OSMR: variants seen among roughly 807,000 people sequenced by gnomAD.
The protein encoded by OSMR is oncostatin M receptor.
A neutral mutation model predicts 99.9 loss-of-function variants in OSMR; 81 were observed. The observed-to-expected ratio is 0.81, with a 90% CI of 0.68 to 0.97. OSMR has a LOEUF of 0.97. Among genes scored for constraint, OSMR ranks in the 50% least tolerant of loss-of-function variants. OSMR has a pLI of 0.00. For missense variants in OSMR, 1,099 were observed against 1,153.4 expected (o/e 0.95, Z 0.68); for synonymous variants, 406 against 410.4 (o/e 0.99, Z 0.13).
At chr5:38,884,977 A>G (rs1028124557) in intron 5 of OSMR, among the ~76,000 whole-genome samples, 4 of 152,180 alleles carry the variant, frequency 2.6e-5, no homozygotes, top group Non-Finnish European at 5.9e-5. Flanking sequence ...TGAATTTAGC[A>G]GGTGTACAAA....
rs776664698 is a variant in OSMR at position 38,924,446 on chromosome 5, T to C, written c.1895T>C (p.Leu632Pro). 5.0e-6 allele frequency: 8 copies of C among 1,614,104 alleles called. No homozygotes were observed. The South Asian group carries it at 8.8e-5, about 18-fold the overall frequency. The change falls in exon 14 of 18, where the codon CTG becomes CCG. Residue 632 changes from leucine (L) to proline (P), a missense_variant. Leu to Pro is a moderately conservative substitution (Grantham distance 98, BLOSUM62 -3). Transcript: ENST00000274276. ...ELAPSDNPHV[L>P]VDTLTSHSFT... is the part of the protein sequence containing the mutation. ...GCTCCTTCAGACAACCCTCACGTGC[T>C]GGTGGATACATTGACATCCCACTCC...
chr5:38,862,054 A>G (rs1293048987), intron 1 of OSMR, among the ~76,000 whole-genome samples: 33 of 99,424 alleles, frequency 3.3e-4, no homozygotes, highest in Non-Finnish European at 5.9e-4. Flanking sequence ...GGCCGGGCAG[A>G]GGCGCCCCTC....
downstream of OSMR, chr5:38,938,055 T>G (rs1430574880): frequency 4.9e-6 from 1 of 204,116 alleles, no homozygotes; most frequent in African/African-American, 2.3e-5. Context: ...AAAATCAAGG[T>G]GAGCAAAACC....
In OSMR at chr5:38,932,466, C is replaced by A; in HGVS notation, c.2298C>A (p.Ile766=). The change falls in exon 17 of 18, where the codon ATC becomes ATA. Residue 766 remains isoleucine, a synonymous_variant. Coordinates refer to ENST00000274276, the MANE Select transcript of OSMR (RefSeq NM_003999.3). The part of the protein sequence containing the change: ...MVMCYLKSQW[I]KETCYPDIPD... ...TCATTTTCGCTTTTTTTTCTAGGAT[C>A]AAGGAGACCTGTTATCCTGACATCC... The A allele has an allele frequency of 1.9e-6, 3 of 1,612,174 alleles. No individual in the cohort carries two copies. Among genetic ancestry groups the A allele is most frequent in the Non-Finnish European group, 2.5e-6 (3 of 1,178,356 alleles).
intron 1 of OSMR, among the ~76,000 whole-genome samples, chr5:38,863,865 G>A (rs1397961882): frequency 6.6e-6 from 1 of 152,040 alleles, no homozygotes; most frequent in African/African-American, 2.4e-5. Context: ...ACATATATTT[G>A]GTATTTTTTA....
In OSMR at chr5:38,944,175, G is replaced by A. The variant is rs147798477; in HGVS notation, c.75-26G>A. ...TTCCAAAAGTAAAAAAGTGAGAAGA[G>A]TGGCATTATTTTACATTTTTTGCAG... On this transcript the variant is annotated intron_variant and NMD_transcript_variant, in intron 1 of 2. Transcript: ENST00000508882. 150 of 525,180 alleles carry A rather than the reference G, an allele frequency of 2.9e-4. No homozygotes were observed. In the Middle Eastern group the frequency reaches 4.5e-3, roughly 16 times the overall value. The allele number at this position is 525,180 out of a possible 1,614,324, so 32.5% of individuals were successfully genotyped here. A position where few individuals can be genotyped will look rare whatever the true frequency, so the allele number is the denominator to read the frequency against.
intron 1 of OSMR, among the ~76,000 whole-genome samples, chr5:38,849,711 C>T (rs993858503): frequency 6.6e-6 from 1 of 152,098 alleles, no homozygotes; most frequent in African/African-American, 2.4e-5. Context: ...GAGCTCCAAG[C>T]TTTAAGGAAA....
rs931328547 is a variant in OSMR at position 38,917,707 on chromosome 5, G to C, written c.1362+85G>C. On this transcript the variant is annotated intron_variant, in intron 10 of 17. Coordinates refer to ENST00000274276, the MANE Select transcript of OSMR (RefSeq NM_003999.3). ...ATGTGTCTTCCTCTGGAGAACTGTG[G>C]ATTGGTTCAGTGTCCCAACTGGGAG... The C allele has an allele frequency of 6.2e-6, 7 of 1,121,020 alleles. No individual in the cohort carries two copies. The African/African-American group carries it at 1.1e-4, about 17-fold the overall frequency. The allele number at this position is 1,121,020 out of a possible 1,614,324, so 69.4% of individuals were successfully genotyped here.
chr5:38,849,133 A>T (rs986651159), intron 1 of OSMR, among the ~76,000 whole-genome samples: 9 of 152,170 alleles, frequency 5.9e-5, no homozygotes, highest in Non-Finnish European at 1.3e-4. Context: ...CCTTTCCTAT[A>T]TTGATGGACA....
Position 38,885,496 on chromosome 5 carries a change from C to T in OSMR, c.839+12C>T. On this transcript the variant is annotated intron_variant, in intron 6 of 17. Coordinates refer to ENST00000274276, the MANE Select transcript of OSMR (RefSeq NM_003999.3). Reference sequence around the variant, plus strand: ...ACTTTATTTGAATCGTAAGTTGGCTCTGGTTACATTATTGACAACTTCTTC... The same window carrying T: ...ACTTTATTTGAATCGTAAGTTGGCTTTGGTTACATTATTGACAACTTCTTC... 1 of 1,613,936 alleles carries T rather than the reference C, an allele frequency of 6.2e-7. No individual in the cohort carries two copies. Among genetic ancestry groups the T allele is most frequent in the Non-Finnish European group, 8.5e-7 (1 of 1,179,866 alleles).
intron 1 of OSMR, among the ~76,000 whole-genome samples, chr5:38,861,879 C>A (rs1579638590): frequency 7.7e-6 from 1 of 129,216 alleles, no homozygotes. Flanking sequence ...GGGGGCTGAC[C>A]CCCCCACCTC....
intron 2 of OSMR, among the ~76,000 whole-genome samples, chr5:38,872,805 G>A (rs1032404760): frequency 1.3e-5 from 2 of 152,024 alleles, no homozygotes; most frequent in African/African-American, 2.4e-5. Context: ...ATCATAAAAT[G>A]GGGTACATGT....
Position 38,933,461 on chromosome 5 carries a change from ATACCTTATGC to A in OSMR, c.*21_*30del. The stretch of plus-strand genomic sequence containing the variant: ...TACTGCTAACCAGCATGCCGATTTC[ATACCTTATGC>A]TACACAGACATTAAGAAGAGCAGAG... On this transcript the variant is annotated 3_prime_UTR_variant, in exon 18 of 18. Transcript: ENST00000274276. The A allele has an allele frequency of 1.2e-6, 2 of 1,613,848 alleles. No homozygotes were observed. Among genetic ancestry groups the A allele is most frequent in the South Asian group, 2.2e-5 (2 of 91,070 alleles).
At chr5:38,917,979 T>G (rs1746012535) in intron 10 of OSMR, among the ~76,000 whole-genome samples, 1 of 152,176 alleles carries the variant, frequency 6.6e-6, no homozygotes, top group Non-Finnish European at 1.5e-5. Context: ...TAAATCAAGC[T>G]TAAAAATTGT....
At chr5:38,878,816 G>C (rs1272873884) in intron 3 of OSMR, among the ~76,000 whole-genome samples, 1 of 152,176 alleles carries the variant, frequency 6.6e-6, no homozygotes, top group Non-Finnish European at 1.5e-5. Context: ...TACATTAACA[G>C]GGCTGTAAAG....
At chr5:38,942,818 A>G in intron 1 of OSMR, 1 of 1,563,414 alleles carries the variant, frequency 6.4e-7, no homozygotes, top group Non-Finnish European at 8.8e-7. Context: ...TTTGAGAAGT[A>G]CTAATCATAC....
intron 9 of OSMR, among the ~76,000 whole-genome samples, chr5:38,908,878 T>A (rs1166788558): frequency 6.6e-6 from 1 of 152,176 alleles, no homozygotes; most frequent in Non-Finnish European, 1.5e-5. Context: ...GAGTATCTTC[T>A]TACCTCCAAA....
intron 1 of OSMR, among the ~76,000 whole-genome samples, chr5:38,860,406 G>A (rs564232893): frequency 1.3e-4 from 20 of 152,202 alleles, no homozygotes; most frequent in African/African-American, 2.4e-4. Flanking sequence ...CCTGCATCCC[G>A]GGGATAAATC....
At chr5:38,909,813 C>T (rs896726020) in intron 9 of OSMR, among the ~76,000 whole-genome samples, 12 of 152,152 alleles carry the variant, frequency 7.9e-5, no homozygotes, top group East Asian at 3.8e-4. Context: ...AAAGCAACCA[C>T]GCAATCAAAT....
Sources: allele counts gnomAD v4.1 joint callset (sites outside exome capture counted in the v4.1 genomes callset), GRCh38; gene constraint gnomAD v4.1.1; transcripts MANE v1.5; gene names NCBI Gene and HGNC (gene_info 2026-07-23, HGNC 2026-07-21).